SGK1: variants seen among roughly 807,000 people sequenced by gnomAD.
SGK1 encodes serum/glucocorticoid regulated kinase 1, also known as serine/threonine-protein kinase Sgk1.
SGK1 carries 26 observed loss-of-function variants against 64.2 expected under a neutral mutation model. That is an observed-to-expected ratio of 0.40 (90% CI 0.30 to 0.56). The LOEUF (loss-of-function observed/expected upper bound fraction) is 0.56, where lower values mean the gene tolerates loss of function less well. Among genes scored for constraint, SGK1 ranks in the 20% least tolerant of loss-of-function variants. SGK1 has a pLI of 0.38. For missense variants in SGK1, 519 were observed against 645.6 expected, an observed-to-expected ratio of 0.80 and a Z score of 2.12; for synonymous variants, 265 against 239.7, an observed-to-expected ratio of 1.11 and a Z score of -0.98.
intron 3 of SGK1, among the ~76,000 whole-genome samples, chr6:134,190,651 T>C (rs1286486981): frequency 6.6e-6 from 1 of 152,176 alleles, no homozygotes; most frequent in African/African-American, 2.4e-5. Context: ...TTATCTTTTC[T>C]TAGGGCTTTG....
chr6:134,300,320 C>T (rs1456209918), intron 1 of SGK1, among the ~76,000 whole-genome samples: 5 of 151,584 alleles, frequency 3.3e-5, no homozygotes, highest in African/African-American at 4.8e-5. Context: ...GGGCAGATCA[C>T]GAGGTCAGAA....
At chr6:134,200,773 A>T (rs1438230080) in intron 3 of SGK1, among the ~76,000 whole-genome samples, 2 of 152,010 alleles carry the variant, frequency 1.3e-5, no homozygotes, top group Non-Finnish European at 2.9e-5. Flanking sequence ...GTGTGGTGGC[A>T]TGTGCTTATA....
Position 134,171,916 on chromosome 6 carries a change from T to C in SGK1, c.1072-184A>G, listed in dbSNP as rs143546898. 2.7e-4 allele frequency: 168 copies of C among 615,814 alleles called. 1 individual carries two copies. In the East Asian group the frequency reaches 4.6e-3, roughly 17 times the overall value. 38.1% of individuals were successfully genotyped at this position (615,814 alleles called of 1,614,324 possible). On this transcript the variant is annotated intron_variant, in intron 10 of 13. Coordinates refer to ENST00000367858, the MANE Select transcript of SGK1 (RefSeq NM_001143676.3). Reference sequence around the variant, plus strand: ...GACTGGCTACCTATGTGTACTGACATTTAGGAAACTGCTGGGCACTTGATA... The same window carrying C: ...GACTGGCTACCTATGTGTACTGACACTTAGGAAACTGCTGGGCACTTGATA...
chr6:134,254,403 T>C (rs556811946), intron 2 of SGK1, among the ~76,000 whole-genome samples: 6 of 152,262 alleles, frequency 3.9e-5, no homozygotes, highest in South Asian at 2.1e-4. Flanking sequence ...CCTTTATTTG[T>C]AGCAATGGAA....
intron 2 of SGK1, among the ~76,000 whole-genome samples, chr6:134,227,158 TCTCA>T (rs1776196146): frequency 1.3e-5 from 2 of 151,692 alleles, no homozygotes; most frequent in Non-Finnish European, 2.9e-5. Context: ...TGAGATGGAG[TCTCA>T]CTCACTCTGT....
At chr6:134,227,786 C>G (rs1163880696) in intron 2 of SGK1, among the ~76,000 whole-genome samples, 1 of 152,056 alleles carries the variant, frequency 6.6e-6, no homozygotes, top group African/African-American at 2.4e-5. Flanking sequence ...TACGCACGTA[C>G]TAAAAGCAAA....
intron 3 of SGK1, among the ~76,000 whole-genome samples, chr6:134,195,540 A>T (rs762818804): frequency 2.0e-5 from 3 of 152,144 alleles, no homozygotes; most frequent in Non-Finnish European, 2.9e-5. Context: ...GATGAGCATG[A>T]CTCTAAGTAT....
intron 3 of SGK1, among the ~76,000 whole-genome samples, chr6:134,181,825 G>A (rs1775335614): frequency 6.6e-6 from 1 of 152,102 alleles, no homozygotes; most frequent in South Asian, 2.1e-4. Flanking sequence ...AGTCTAGTTG[G>A]CGACAACTGA....
intron 11 of SGK1, 52 bp downstream of exon 11, chr6:134,171,585 G>T: frequency 1.5e-6 from 2 of 1,294,514 alleles, no homozygotes; most frequent in Admixed American, 1.7e-5. Flanking sequence ...CTGTGTGAAG[G>T]CAATATTGTA....
intron 3 of SGK1, among the ~76,000 whole-genome samples, chr6:134,181,856 T>TTTTTG (rs546281710): frequency 4.5e-4 from 68 of 152,126 alleles, no homozygotes; most frequent in Non-Finnish European, 7.8e-4. Flanking sequence ...CTGTGAGTTT[T>TTTTTG]TTTTGTTTTG....
chr6:134,274,384 G>A (rs968017263), intron 1 of SGK1, among the ~76,000 whole-genome samples: 2 of 152,170 alleles, frequency 1.3e-5, no homozygotes, highest in African/African-American at 4.8e-5. Context: ...GTCAGGAATG[G>A]ATTAGAAAAG....
chr6:134,205,507 A>C (rs1017937021), intron 3 of SGK1, among the ~76,000 whole-genome samples: 1 of 151,534 alleles, frequency 6.6e-6, no homozygotes, highest in African/African-American at 2.4e-5. Context: ...ACAGCCTCTG[A>C]CTCCCTTTTA....
intron 2 of SGK1, chr6:134,259,824 C>T (rs1420142728): frequency 1.3e-5 from 2 of 152,174 alleles, no homozygotes; most frequent in African/African-American, 4.8e-5. Flanking sequence ...TTTTTCATGA[C>T]AAACCTAGAG....
intron 2 of SGK1, among the ~76,000 whole-genome samples, chr6:134,255,574 A>ATTTTTTTT (rs11318242): frequency 1.6e-4 from 13 of 78,846 alleles, no homozygotes; most frequent in South Asian, 5.6e-4. Context: ...AGAGATTTTG[A>ATTTTTTTT]TTTTTTTTTT....
chr6:134,172,615 G>T, intron 9 of SGK1, 47 bp downstream of exon 9: 2 of 1,248,356 alleles, frequency 1.6e-6, no homozygotes, highest in Non-Finnish European at 1.2e-6. Context: ...CCAGTGCTAC[G>T]TCTCCTTTAT....
chr6:134,175,627 C>T (rs1430616205), intron 3 of SGK1: 3 of 1,540,742 alleles, frequency 1.9e-6, no homozygotes, highest in Non-Finnish European at 2.6e-6. Flanking sequence ...GGACTCGAGC[C>T]GGGCTCTGGC....
At chr6:134,209,833 C>T (rs369898916) in intron 2 of SGK1, among the ~76,000 whole-genome samples, 11 of 152,246 alleles carry the variant, frequency 7.2e-5, no homozygotes, top group South Asian at 2.1e-4. Context: ...TGCTCCACCA[C>T]GCCTGGCTAA....
chr6:134,254,613 C>T (rs887623789), intron 2 of SGK1, among the ~76,000 whole-genome samples: 2 of 152,150 alleles, frequency 1.3e-5, no homozygotes, highest in African/African-American at 4.8e-5. Flanking sequence ...CTCATCTCCT[C>T]CACCTAATCA....
intron 2 of SGK1, among the ~76,000 whole-genome samples, chr6:134,238,037 T>C (rs1776390807): frequency 1.3e-5 from 2 of 152,224 alleles, no homozygotes; most frequent in African/African-American, 4.8e-5. Flanking sequence ...TAATAATTCT[T>C]TTTTTAGAGT....
Sources: gnomAD v4.1 joint callset for allele counts (sites outside exome capture counted in the v4.1 genomes callset) on GRCh38, gnomAD v4.1.1 for gene constraint, MANE v1.5 for transcripts, NCBI Gene and HGNC (gene_info 2026-07-23, HGNC 2026-07-21) for gene names.